TLE1: variants seen among roughly 807,000 people sequenced by gnomAD.
TLE1 encodes the protein TLE family member 1, transcriptional corepressor.
TLE1 carries 21 observed loss-of-function variants against 89.8 expected under a neutral mutation model. The ratio of observed to expected loss-of-function variants is 0.23; its 90% CI spans 0.17 to 0.34. TLE1 has a LOEUF of 0.34. TLE1 is among the 10% of genes least tolerant of loss of function. The pLI, the probability that TLE1 is intolerant of heterozygous loss-of-function variation, is 1.00. For synonymous variants in TLE1, 447 were observed against 407.6 expected (o/e 1.10, Z -1.16); for missense variants, 795 against 1,031.2 (o/e 0.77, Z 3.14).
rs2092029443 is a variant in TLE1 at position 81,688,309 on chromosome 9, C to T, written c.-69G>A. The T allele has an allele frequency of 5.5e-6, 8 of 1,449,910 alleles. No homozygotes were observed. Among genetic ancestry groups the T allele is most frequent in the Middle Eastern group, 2.3e-4 (1 of 4,386 alleles). 89.8% of individuals were successfully genotyped at this position (1,449,910 alleles called of 1,614,324 possible). Reference sequence around the variant, plus strand: ...CTCCGGTCAATTTCCAACTTTAATCCCGCCGAGGAAAATTAAGCCGGAAAG... The same window carrying T: ...CTCCGGTCAATTTCCAACTTTAATCTCGCCGAGGAAAATTAAGCCGGAAAG... On this transcript the variant is annotated 5_prime_UTR_variant, in exon 1 of 20. Coordinates refer to ENST00000376499, the MANE Select transcript of TLE1 (RefSeq NM_005077.5).
chr9:81,643,619 T>G (rs1043425664), intron 6 of TLE1, among the ~76,000 whole-genome samples: 2 of 151,894 alleles, frequency 1.3e-5, no homozygotes, highest in African/African-American at 4.8e-5. Flanking sequence ...ATTGCAGCCT[T>G]GAAGTCCCAG....
At chr9:81,601,239 C>T (rs1830881215) in intron 14 of TLE1, among the ~76,000 whole-genome samples, 2 of 152,278 alleles carry the variant, frequency 1.3e-5, no homozygotes, top group African/African-American at 4.8e-5. Flanking sequence ...AAGGGGGAAG[C>T]CCCCGGCCAC....
chr9:81,622,158 C>A (rs929680744), intron 8 of TLE1, among the ~76,000 whole-genome samples: 119 of 152,352 alleles, frequency 7.8e-4, no homozygotes, highest in African/African-American at 2.8e-3. Flanking sequence ...GCCGGGGCAG[C>A]AGCTGCTTGT....
rs555441068 is a variant in TLE1, at chr9:81,645,319, C to A, written c.372+6895G>T. Among the ~76,000 whole-genome samples the A allele has an allele frequency of 1.9e-4, 29 of 149,422 alleles. 1 individual carries two copies. In the South Asian group the frequency reaches 5.9e-3, roughly 31 times the overall value. ...CAGAGGTTGCAGTGAGCGCCAAGAT[C>A]GCGCCATTGCACTCCAGCCTGGGCA... On this transcript the variant is annotated intron_variant, in intron 6 of 19. Transcript: ENST00000376499.
At chr9:81,604,219 C>T (rs1163575795) in intron 14 of TLE1, among the ~76,000 whole-genome samples, 2 of 152,156 alleles carry the variant, frequency 1.3e-5, no homozygotes, top group African/African-American at 4.8e-5. Context: ...TCCCTGCACC[C>T]CATCCTAGGC....
At chr9:81,608,642 T>C (rs1053818281) in intron 14 of TLE1, among the ~76,000 whole-genome samples, 3 of 151,938 alleles carry the variant, frequency 2.0e-5, no homozygotes, top group African/African-American at 7.3e-5. Flanking sequence ...AGTACCTTTA[T>C]TGAAACAAAA....
rs776755520 is a variant in TLE1, at chr9:81,616,084, T to A, written c.816A>T (p.Gly272=). ...ASPAHSPREN[G]IDKNRLLKKD... is the part of the protein sequence containing the mutation. ...TCTTTAGCAGGCGATTTTTGTCGAT[T>A]CCATTTTCCCGGGGCGAGTGGGCAG... Residue 272 remains glycine, a synonymous_variant, in exon 11 of 20, where the codon GGA becomes GGT. Transcript: ENST00000376499. The A allele has an allele frequency of 4.3e-6, 7 of 1,614,146 alleles. No individual in the cohort carries two copies. In the East Asian group the frequency reaches 1.1e-4, roughly 26 times the overall value.
intron 14 of TLE1, among the ~76,000 whole-genome samples, chr9:81,607,060 TAAA>T (rs34328471): frequency 1.5e-4 from 21 of 139,670 alleles, no homozygotes; most frequent in East Asian, 1.0e-3. Flanking sequence ...CCAGTGTCTC[TAAA>T]AAAAAAAAAA....
chr9:81,627,958 C>T (rs112965739), intron 8 of TLE1, among the ~76,000 whole-genome samples: 3,518 of 152,192 alleles, frequency 0.023, 120 homozygotes, highest in African/African-American at 0.078. Flanking sequence ...GTGGCTCACG[C>T]CTGTAATCTC....
chr9:81,662,461 C>T (rs115749318), intron 4 of TLE1, among the ~76,000 whole-genome samples: 2,910 of 150,126 alleles, frequency 0.019, 108 homozygotes, highest in African/African-American at 0.067. Flanking sequence ...TTGCGGGGGC[C>T]GAGGTGGGTG....
intron 8 of TLE1, among the ~76,000 whole-genome samples, chr9:81,627,825 T>C (rs1826084781): frequency 6.6e-6 from 1 of 152,146 alleles, no homozygotes. Context: ...CTGAGATCAG[T>C]TTCACGGTGC....
chr9:81,677,065 C>T (rs1053359624), intron 4 of TLE1, among the ~76,000 whole-genome samples: 3 of 151,848 alleles, frequency 2.0e-5, no homozygotes, highest in African/African-American at 7.3e-5. Flanking sequence ...GGAGAAACCC[C>T]GTCTCTACCA....
intron 6 of TLE1, among the ~76,000 whole-genome samples, chr9:81,643,300 G>A (rs576859679): frequency 2.0e-5 from 3 of 151,592 alleles, no homozygotes; most frequent in South Asian, 4.2e-4. Flanking sequence ...ACAATGGTGC[G>A]ATCTCGGCTC....
At chr9:81,654,104 A>AC in intron 4 of TLE1, 68 bp from the exon 5 acceptor site, 1 of 1,436,472 alleles carries the variant, frequency 7.0e-7, no homozygotes, top group Non-Finnish European at 9.8e-7. Flanking sequence ...AAAACTTCAT[A>AC]CCCCTAACAC....
chr9:81,679,961 T>A (rs1396089277), intron 4 of TLE1, among the ~76,000 whole-genome samples: 1 of 152,220 alleles, frequency 6.6e-6, no homozygotes, highest in South Asian at 2.1e-4. Flanking sequence ...TAACTACCAC[T>A]CAAGATGATT....
rs542201642 is a variant in TLE1, at chr9:81,617,074, C to CA, written c.712-376dup. 1.3e-4 allele frequency among the ~76,000 whole-genome samples: 19 copies of CA among 148,266 alleles called. No homozygotes were observed. The South Asian group carries it at 4.0e-3, about 32-fold the overall frequency. On this transcript the variant is annotated intron_variant, in intron 9 of 19. Coordinates refer to ENST00000376499, the MANE Select transcript of TLE1 (RefSeq NM_005077.5). ...ATTTGAGATCTGCACACCCTTATATCAGAGTTTTTCCATATGATTTCAAGG... is the reference window on the plus strand; with the variant it reads ...ATTTGAGATCTGCACACCCTTATATCAAGAGTTTTTCCATATGATTTCAAGG...
chr9:81,684,286 A>C (rs1256876374), intron 4 of TLE1, among the ~76,000 whole-genome samples: 3 of 152,210 alleles, frequency 2.0e-5, no homozygotes, highest in Non-Finnish European at 4.4e-5. Flanking sequence ...GGCACTAGCC[A>C]CTGAGAAACA....
At chr9:81,632,849 T>A (rs1052327740) in intron 8 of TLE1, among the ~76,000 whole-genome samples, 1 of 152,186 alleles carries the variant, frequency 6.6e-6, no homozygotes, top group Non-Finnish European at 1.5e-5. Context: ...AAACAAGATA[T>A]GGAAACCTAG....
intron 8 of TLE1, among the ~76,000 whole-genome samples, chr9:81,626,408 C>A (rs374938679): frequency 2.0e-5 from 3 of 152,172 alleles, no homozygotes; most frequent in African/African-American, 4.8e-5. Context: ...CATCACCCTG[C>A]GCTGCACTTT....
Sources: allele counts gnomAD v4.1 joint callset (sites outside exome capture counted in the v4.1 genomes callset), GRCh38; gene constraint gnomAD v4.1.1; transcripts MANE v1.5; gene names NCBI Gene and HGNC (gene_info 2026-07-23, HGNC 2026-07-21).